SERPINA1: variants seen among roughly 807,000 people sequenced by gnomAD.
SERPINA1 encodes alpha-1-antitrypsin.
Under a neutral mutation model 25.4 loss-of-function variants are expected in SERPINA1, and 21 were observed. The observed-to-expected ratio is 0.83, with a 90% CI of 0.59 to 1.19. The LOEUF (loss-of-function observed/expected upper bound fraction) is 1.19, where lower values mean the gene tolerates loss of function less well. SERPINA1 is among the 50% of genes most tolerant of loss of function. The pLI, the probability that SERPINA1 is intolerant of heterozygous loss-of-function variation, is 0.00. For missense variants in SERPINA1, 546 were observed against 509.0 expected (o/e 1.07, Z -0.70); for synonymous variants, 218 against 211.1 (o/e 1.03, Z -0.29).
Position 94,378,158 on chromosome 14 carries a change from C to G in SERPINA1, c.*291G>C, listed in dbSNP as rs770346644. On this transcript the variant is annotated 3_prime_UTR_variant, in exon 5 of 5. Transcript: ENST00000393087. ...CAAGACAGGACAAGGAAGACTGGAG[C>G]CCTCCAGAAACAGATGGGCCCAGGT... The G allele has an allele frequency of 4.1e-6, 2 of 491,246 alleles. No homozygotes were observed. The highest frequency in any genetic ancestry group is 7.4e-6 in the Non-Finnish European group (2 of 272,078). 30.4% of individuals were successfully genotyped at this position (491,246 alleles called of 1,614,324 possible). A position where few individuals can be genotyped will look rare whatever the true frequency, so the allele number is the denominator to read the frequency against.
chr14:94,381,221 C>T (rs1896893094), intron 2 of SERPINA1, 80 bp from the exon 3 acceptor site: 7 of 1,441,282 alleles, frequency 4.9e-6, no homozygotes, highest in South Asian at 1.2e-5. Flanking sequence ...AACCATGAGT[C>T]CCCTCCCTGA....
At position 94,378,355 on chromosome 14, in the gene SERPINA1, G is replaced by T; in HGVS notation, c.*94C>A. 9.2e-7 allele frequency: 1 copy of T among 1,085,270 alleles called. No individual in the cohort carries two copies. Among genetic ancestry groups the T allele is most frequent in the East Asian group, 2.4e-5 (1 of 42,414 alleles). 67.2% of individuals were successfully genotyped at this position (1,085,270 alleles called of 1,614,324 possible). ...AGAGAAAACATGGGAGGGATTTACA[G>T]TCACATGCAGGCAGGGACCAGCTCA... On this transcript the variant is annotated 3_prime_UTR_variant, in exon 5 of 5. Coordinates refer to ENST00000393087, the MANE Select transcript of SERPINA1 (RefSeq NM_000295.5).
intron 2 of SERPINA1, among the ~76,000 whole-genome samples, chr14:94,382,131 A>G (rs1045105620): frequency 6.6e-6 from 1 of 152,254 alleles, no homozygotes; most frequent in African/African-American, 2.4e-5. Flanking sequence ...AGAAATTAGC[A>G]CCTCAAAGAG....
At chr14:94,383,437 G>A in intron 1 of SERPINA1, 196 bp from the exon 2 acceptor site, 1 of 609,848 alleles carries the variant, frequency 1.6e-6, no homozygotes, top group East Asian at 2.8e-5. Flanking sequence ...GCCAAGCACT[G>A]TTCTCCGTGC....
chr14:94,383,319 G>A (rs986863551), intron 1 of SERPINA1, 78 bp from the exon 2 acceptor site: 21 of 1,482,732 alleles, frequency 1.4e-5, no homozygotes, highest in African/African-American at 8.3e-5. Flanking sequence ...TTGACACCAC[G>A]TGGAAGTGCC....
intron 1 of SERPINA1, among the ~76,000 whole-genome samples, chr14:94,387,364 A>G (rs1897350197): frequency 6.6e-6 from 1 of 152,218 alleles, no homozygotes. Flanking sequence ...CAAGTTCTCG[A>G]GAATACCAGT....
In SERPINA1 at chr14:94,382,866, G is replaced by A. The variant is rs2139693471; in HGVS notation, c.372C>T (p.Leu124=). ...AQIHEGFQEL[L]RTLNQPDSQL... ...GGCTGTCTGGCTGGTTGAGGGTACG[G>A]AGGAGTTCCTGGAAGCCTTCATGGA... The change falls in exon 2 of 5, where the codon CTC becomes CTT. Residue 124 remains leucine (L), a synonymous_variant. Coordinates refer to ENST00000393087, the MANE Select transcript of SERPINA1 (RefSeq NM_000295.5). The A allele has an allele frequency of 1.2e-6, 2 of 1,614,220 alleles. No individual in the cohort carries two copies. The highest frequency in any genetic ancestry group is 1.3e-5 in the African/African-American group (1 of 75,070).
Position 94,381,137 on chromosome 14 carries a change from T to C in SERPINA1, c.651A>G (p.Lys217=). 1.9e-6 allele frequency: 3 copies of C among 1,611,712 alleles called. No homozygotes were observed. The highest frequency in any genetic ancestry group is 2.5e-6 in the Non-Finnish European group (3 of 1,179,876). ...CCTTGACTTCAAAGGGTCTCTCCCA[T>C]TTGCCTGGAGAGAGGGGAAGGTGGG... ...ALVNYIFFKG[K]WERPFEVKDT... The change falls in exon 3 of 5, where the codon AAA becomes AAG. Residue 217 remains lysine (K), a synonymous_variant. Coordinates refer to ENST00000393087, the MANE Select transcript of SERPINA1 (RefSeq NM_000295.5).
At chr14:94,382,060 T>C (rs1896966021) in intron 2 of SERPINA1, among the ~76,000 whole-genome samples, 1 of 152,224 alleles carries the variant, frequency 6.6e-6, no homozygotes. Context: ...ACAGTCTTTG[T>C]CATTTGTTTA....
At chr14:94,383,285 A>G (rs1288443233) in intron 1 of SERPINA1, 44 bp from the exon 2 acceptor site, 2 of 1,587,622 alleles carry the variant, frequency 1.3e-6, no homozygotes, top group African/African-American at 2.7e-5. Context: ...GTCAAGGCAC[A>G]TGATGACTCC....
rs774452372 is a variant in SERPINA1 at position 94,381,104 on chromosome 14, C to T, written c.684G>A (p.Glu228=). 1 of 1,613,582 alleles carries T rather than the reference C, an allele frequency of 6.2e-7. No homozygotes were observed. Among genetic ancestry groups the T allele is most frequent in the Non-Finnish European group, 8.5e-7 (1 of 1,179,988 alleles). Residue 228 remains glutamate (E), a synonymous_variant, in exon 3 of 5, where the codon GAG becomes GAA. Transcript: ENST00000393087. ...CCTGGTCCACGTGGAAGTCCTCTTC[C>T]TCGGTGTCCTTGACTTCAAAGGGTC... is the stretch of plus-strand genomic sequence containing the variant. ...WERPFEVKDT[E]EEDFHVDQVT...
At chr14:94,389,738 G>C (rs2139733183), upstream of SERPINA1, 1 of 152,268 alleles carries the variant, frequency 6.6e-6, no homozygotes, top group East Asian at 1.9e-4. Context: ...GTGCATTTTT[G>C]CCCCTTCTGT....
chr14:94,381,794 A>G (rs894997169), intron 2 of SERPINA1, among the ~76,000 whole-genome samples: 1 of 152,194 alleles, frequency 6.6e-6, no homozygotes, highest in Non-Finnish European at 1.5e-5. Flanking sequence ...CCAGGACTTT[A>G]GCTGTGCTGA....
At position 94,387,880 on chromosome 14, in the gene SERPINA1, G is replaced by A. The variant is rs531827746; in HGVS notation, c.-5+680C>T. On this transcript the variant is annotated intron_variant, in intron 1 of 4. Coordinates refer to ENST00000393087, the MANE Select transcript of SERPINA1 (RefSeq NM_000295.5). Reference sequence around the variant, plus strand: ...GCTTAGCCGTGGCCTGGTGCAGAGCGATTATTCAGGAATGCCAGCTTGAGC... The same window carrying A: ...GCTTAGCCGTGGCCTGGTGCAGAGCAATTATTCAGGAATGCCAGCTTGAGC... Among the ~76,000 whole-genome samples, 350 of 152,216 alleles carry A rather than the reference G, an allele frequency of 2.3e-3. 4 individuals are homozygous for A. The highest frequency in any genetic ancestry group is 7.6e-3 in the African/African-American group (316 of 41,532).
chr14:94,378,354 A>T lies in SERPINA1; in HGVS notation c.*95T>A. 9.5e-7 allele frequency: 1 copy of T among 1,056,080 alleles called. No homozygotes were observed. The highest frequency in any genetic ancestry group is 1.5e-6 in the Non-Finnish European group (1 of 681,232). 65.4% of individuals were successfully genotyped at this position (1,056,080 alleles called of 1,614,324 possible). A position where few individuals can be genotyped will look rare whatever the true frequency, so the allele number is the denominator to read the frequency against. On this transcript the variant is annotated 3_prime_UTR_variant, in exon 5 of 5. Coordinates refer to ENST00000393087, the MANE Select transcript of SERPINA1 (RefSeq NM_000295.5). ...CAGAGAAAACATGGGAGGGATTTAC[A>T]GTCACATGCAGGCAGGGACCAGCTC...
At chr14:94,381,438 T>C (rs1280616218) in intron 2 of SERPINA1, among the ~76,000 whole-genome samples, 12 of 152,208 alleles carry the variant, frequency 7.9e-5, no homozygotes, top group Non-Finnish European at 1.5e-4. Context: ...AATCATATGT[T>C]TATTTGAGGG....
intron 3 of SERPINA1, 54 bp downstream of exon 3, chr14:94,380,817 A>G (rs965935054): frequency 1.9e-6 from 3 of 1,612,678 alleles, no homozygotes; most frequent in Non-Finnish European, 1.7e-6. Context: ...CTCAGTCCCA[A>G]CATGGCTAAG....
At chr14:94,385,266 T>C (rs1237820726) in intron 1 of SERPINA1, among the ~76,000 whole-genome samples, 1 of 152,238 alleles carries the variant, frequency 6.6e-6, no homozygotes, top group Non-Finnish European at 1.5e-5. Flanking sequence ...GGCCTCACTC[T>C]CCCCAGTTGT....
At chr14:94,383,591 C>T (rs1897112325) in intron 1 of SERPINA1, 1 of 363,376 alleles carries the variant, frequency 2.8e-6, no homozygotes, top group African/African-American at 2.0e-5. Flanking sequence ...AACCAGAATC[C>T]TACATCTAGG....
Sources: allele counts gnomAD v4.1 joint callset (sites outside exome capture counted in the v4.1 genomes callset), GRCh38; gene constraint gnomAD v4.1.1; transcripts MANE v1.5; gene names NCBI Gene and HGNC (gene_info 2026-07-23, HGNC 2026-07-21).